Variants in SNTG1 observed in about 807,000 individuals in gnomAD.
SNTG1 encodes the protein syntrophin gamma 1.
In SNTG1, 39 loss-of-function variants were observed where a neutral mutation model predicts 74.7. That is an observed-to-expected ratio of 0.52 (90% confidence interval 0.40 to 0.68). The LOEUF (loss-of-function observed/expected upper bound fraction) is 0.68. Among genes scored for constraint, SNTG1 ranks in the 30% least tolerant of loss-of-function variants. SNTG1 has a pLI of 0.00. For missense variants in SNTG1, 685 were observed against 609.5 expected (o/e 1.12, Z -1.30); for synonymous variants, 254 against 217.1 (o/e 1.17, Z -1.49).
intron 1 of SNTG1, among the ~76,000 whole-genome samples, chr8:49,981,578 T>G (rs1812684391): frequency 6.6e-6 from 1 of 152,346 alleles, no homozygotes; most frequent in African/African-American, 2.4e-5. Context: ...GGTTACTTGT[T>G]TGTCTGCCAC....
intron 2 of SNTG1, among the ~76,000 whole-genome samples, chr8:50,288,113 A>G (rs16914631): frequency 0.07 from 10,596 of 152,248 alleles, 410 homozygotes; most frequent in African/African-American, 0.085. Context: ...GTATTGAGAA[A>G]AATGCCTGCT....
intron 2 of SNTG1, among the ~76,000 whole-genome samples, chr8:50,320,059 G>T (rs1013768292): frequency 6.6e-5 from 10 of 152,146 alleles, no homozygotes; most frequent in African/African-American, 2.4e-4. Context: ...CTTCCTCTGT[G>T]TTTCAGAACA....
intron 13 of SNTG1, among the ~76,000 whole-genome samples, chr8:50,597,833 TG>T (rs1230691244): frequency 2.6e-5 from 4 of 152,076 alleles, no homozygotes; most frequent in Non-Finnish European, 4.4e-5. Context: ...CATTTTTAAA[TG>T]TAAATGTTGG....
At chr8:50,380,860 G>A (rs2092467896) in intron 2 of SNTG1, among the ~76,000 whole-genome samples, 1 of 152,106 alleles carries the variant, frequency 6.6e-6, no homozygotes, top group East Asian at 1.9e-4. Context: ...AATCATAATA[G>A]GCAAGATCTC....
chr8:49,961,612 A>C lies in SNTG1; in HGVS notation c.-103+49381A>C, dbSNP rs565219723. ...ACATCACTGCTAAGAATAATATTTT[A>C]GTGGAATTCCTTAGAATAAGACTTT... On this transcript the variant is annotated intron_variant, in intron 1 of 18. Coordinates refer to ENST00000642720, the MANE Select transcript of SNTG1 (RefSeq NM_018967.5). 3.4e-3 allele frequency among the ~76,000 whole-genome samples: 511 copies of C among 152,364 alleles called. 3 individuals are homozygous for C. Among genetic ancestry groups the C allele is most frequent in the Non-Finnish European group, 4.0e-3 (272 of 68,046 alleles).
intron 2 of SNTG1, among the ~76,000 whole-genome samples, chr8:50,272,591 T>C (rs750583730): frequency 2.0e-5 from 3 of 152,208 alleles, no homozygotes; most frequent in Non-Finnish European, 2.9e-5. Context: ...TCTCTTTGGC[T>C]TTCTATGCAT....
chr8:50,105,710 C>T (rs1418405216), intron 1 of SNTG1, among the ~76,000 whole-genome samples: 4 of 151,974 alleles, frequency 2.6e-5, no homozygotes, highest in Non-Finnish European at 5.9e-5. Context: ...TTTCTTTCAG[C>T]AGTGTTTTGT....
intron 8 of SNTG1, among the ~76,000 whole-genome samples, chr8:50,461,011 C>G (rs903737137): frequency 9.3e-5 from 14 of 150,974 alleles, no homozygotes; most frequent in South Asian, 8.4e-4. Flanking sequence ...TTTTTTTCCT[C>G]TTACAGGATC....
At chr8:50,332,702 A>T (rs1162878814) in intron 2 of SNTG1, among the ~76,000 whole-genome samples, 3 of 152,186 alleles carry the variant, frequency 2.0e-5, no homozygotes, top group African/African-American at 7.2e-5. Flanking sequence ...TCTCTGTAAA[A>T]TTAAAATAAA....
intron 18 of SNTG1, among the ~76,000 whole-genome samples, chr8:50,774,007 G>T (rs1432755387): frequency 1.3e-5 from 2 of 151,966 alleles, no homozygotes; most frequent in Non-Finnish European, 2.9e-5. Flanking sequence ...AGTTTATGAA[G>T]AAAGATTAAG....
intron 2 of SNTG1, among the ~76,000 whole-genome samples, chr8:50,193,519 T>A (rs2083654012): frequency 1.3e-5 from 2 of 152,138 alleles, no homozygotes. Flanking sequence ...TACATTAATC[T>A]TGTATCTGGA....
At chr8:50,520,733 C>T (rs539439794) in intron 9 of SNTG1, among the ~76,000 whole-genome samples, 64 of 152,240 alleles carry the variant, frequency 4.2e-4, no homozygotes, top group African/African-American at 1.4e-3. Context: ...TACCATCTCA[C>T]GCCAGTTAGA....
intron 11 of SNTG1, among the ~76,000 whole-genome samples, chr8:50,542,953 G>A (rs1004230552): frequency 5.9e-5 from 9 of 152,080 alleles, no homozygotes; most frequent in African/African-American, 1.7e-4. Flanking sequence ...TTGTTATTGA[G>A]TTGTTTGAGT....
rs148239130 is a variant in SNTG1, at chr8:50,244,703, C to T, written c.-28+72068C>T. Among the ~76,000 whole-genome samples the T allele has an allele frequency of 2.4e-3, 361 of 152,182 alleles. 4 individuals carry two copies. Among genetic ancestry groups the T allele is most frequent in the African/African-American group, 6.1e-3 (253 of 41,524 alleles). The stretch of plus-strand genomic sequence containing the variant: ...CATGGGCTCCAACCTGAATATCTAC[C>T]GCATCCACAAATATATGAATATTTA... On this transcript the variant is annotated intron_variant, in intron 2 of 18. Coordinates refer to ENST00000642720, the MANE Select transcript of SNTG1 (RefSeq NM_018967.5).
At chr8:50,458,774 T>G (rs2093532185) in intron 8 of SNTG1, among the ~76,000 whole-genome samples, 1 of 37,734 alleles carries the variant, frequency 2.7e-5, no homozygotes, top group Non-Finnish European at 7.4e-5. Flanking sequence ...TTAATTGGGT[T>G]CACTTCTTAC....
intron 18 of SNTG1, among the ~76,000 whole-genome samples, chr8:50,765,536 T>A (rs2095611505): frequency 6.6e-6 from 1 of 151,968 alleles, no homozygotes; most frequent in Non-Finnish European, 1.5e-5. Flanking sequence ...ATTTTATGTA[T>A]GTTGTCCAGG....
chr8:50,195,548 C>T (rs1311941512), intron 2 of SNTG1, among the ~76,000 whole-genome samples: 1 of 152,178 alleles, frequency 6.6e-6, no homozygotes, highest in Non-Finnish European at 1.5e-5. Context: ...TGGTCACCCT[C>T]CCAATGGATC....
chr8:50,417,806 CT>C (rs2093033231), intron 4 of SNTG1, among the ~76,000 whole-genome samples: 1 of 152,070 alleles, frequency 6.6e-6, no homozygotes, highest in Non-Finnish European at 1.5e-5. Context: ...GACTTGTGAC[CT>C]TATGTGTTTT....
chr8:50,538,776 C>T (rs935345164), intron 11 of SNTG1, among the ~76,000 whole-genome samples: 15 of 152,052 alleles, frequency 9.9e-5, no homozygotes, highest in African/African-American at 3.1e-4. Flanking sequence ...CTTGATTAGT[C>T]CCGCTTTCCA....
Sources: gnomAD v4.1 joint callset for allele counts (sites outside exome capture counted in the v4.1 genomes callset) on GRCh38, gnomAD v4.1.1 for gene constraint, MANE v1.5 for transcripts, NCBI Gene and HGNC (gene_info 2026-07-23, HGNC 2026-07-21) for gene names.